FGF13: variants seen among roughly 807,000 people sequenced by gnomAD.
FGF13 encodes the protein fibroblast growth factor homologous factor 2.
Under a neutral mutation model 19.5 loss-of-function variants are expected in FGF13, and 2 were observed. That is an observed-to-expected ratio of 0.10 (90% CI 0.04 to 0.32). FGF13 has a LOEUF of 0.32. FGF13 is among the 10% of genes least tolerant of loss of function. The pLI, the probability that FGF13 is intolerant of heterozygous loss-of-function variation, is 1.00. For missense variants in FGF13, 113 were observed against 192.7 expected, an observed-to-expected ratio of 0.59 and a Z score of 2.45; for synonymous variants, 72 against 76.9, an observed-to-expected ratio of 0.94 and a Z score of 0.33.
chrX:139,071,863 A>G (rs1603182016), intron 1 of FGF13, among the ~76,000 whole-genome samples: 1 of 108,221 alleles, frequency 9.2e-6, no homozygotes, highest in East Asian at 2.9e-4. Flanking sequence ...TAAAATTACA[A>G]AAATTAGCTG....
chrX:138,646,458 G>C (rs2089307350), intron 3 of FGF13, among the ~76,000 whole-genome samples: 1 of 111,815 alleles, frequency 8.9e-6, no homozygotes, highest in African/African-American at 3.3e-5. Context: ...CTGAGTTCCA[G>C]AGGGTAGGAA....
intron 1 of FGF13, among the ~76,000 whole-genome samples, chrX:138,961,938 G>C (rs1162971072): frequency 9.0e-6 from 1 of 111,563 alleles, no homozygotes; most frequent in African/African-American, 3.3e-5. Context: ...GCATGGGCAA[G>C]GACTTCATGT....
At chrX:138,960,278 T>A (rs1196482852) in intron 1 of FGF13, among the ~76,000 whole-genome samples, 4 of 111,857 alleles carry the variant, frequency 3.6e-5, no homozygotes, top group African/African-American at 1.3e-4. Context: ...CCATCACTTA[T>A]GAAACTTAGT....
At chrX:138,853,925 T>C (rs996657413), downstream of FGF13, among the ~76,000 whole-genome samples, 7 of 111,581 alleles carry the variant, frequency 6.3e-5, no homozygotes, top group Non-Finnish European at 1.3e-4. Flanking sequence ...GAGTGGCATT[T>C]AGGAAATGAC....
intron 3 of FGF13, among the ~76,000 whole-genome samples, chrX:138,700,632 G>C (rs2284160): frequency 0.096 from 10,633 of 110,872 alleles, 407 homozygotes; most frequent in Middle Eastern, 0.16. Context: ...GGAAGAATTG[G>C]AAAATTAATT....
intron 1 of FGF13, among the ~76,000 whole-genome samples, chrX:138,915,604 T>G (rs1222521153): frequency 1.8e-5 from 2 of 112,042 alleles, no homozygotes; most frequent in African/African-American, 6.5e-5. Context: ...ATTTGTGTCT[T>G]ATCAACATCT....
In FGF13 at chrX:138,802,279, C is replaced by T. The variant is rs564781956; in HGVS notation, c.217+55233G>A. 9.8e-5 allele frequency among the ~76,000 whole-genome samples: 11 copies of T among 112,021 alleles called. No individual in the cohort carries two copies. In the South Asian group the frequency reaches 4.2e-3, roughly 43 times the overall value. ...TCTCCTGGCCTGTGGATTGCAAAAA[C>T]CATGGGAAAAGCATAGTATGTCAGC... On this transcript the variant is annotated intron_variant, in intron 3 of 6. Coordinates refer to the FGF13 transcript ENST00000436198.
At chrX:138,939,522 G>A (rs754887487) in intron 1 of FGF13, among the ~76,000 whole-genome samples, 1 of 111,381 alleles carries the variant, frequency 9.0e-6, no homozygotes, top group South Asian at 3.8e-4. Context: ...AGTCATCCAG[G>A]TAATAAGCAA....
At position 138,617,491 on chromosome X, in the gene FGF13, T is replaced by G. The variant is rs1052881640; in HGVS notation, c.*15359A>C. Reference sequence around the variant, plus strand: ...AGGTGTGGACCAAGCCAAATTAAATTGTAACTATAAGTTTTTTAAAATTTG... The same window carrying G: ...AGGTGTGGACCAAGCCAAATTAAATGGTAACTATAAGTTTTTTAAAATTTG... On this transcript the variant is annotated 3_prime_UTR_variant, in exon 5 of 5. Coordinates refer to ENST00000315930, the MANE Select transcript of FGF13 (RefSeq NM_004114.5). The G allele has an allele frequency of 8.9e-6, 1 of 112,091 alleles. No individual in the cohort carries two copies. The highest frequency in any genetic ancestry group is 9.5e-5 in the Admixed American group (1 of 10,568). 9.2% of individuals were successfully genotyped at this position (112,091 alleles called of 1,213,427 possible). A position where few individuals can be genotyped will look rare whatever the true frequency, so the allele number is the denominator to read the frequency against.
chrX:138,787,890 AC>A (rs1359690569), intron 3 of FGF13, among the ~76,000 whole-genome samples: 5 of 111,377 alleles, frequency 4.5e-5, no homozygotes, highest in Non-Finnish European at 9.4e-5. Context: ...ACCTCCTAAT[AC>A]CATCACATTG....
chrX:138,758,983 A>T (rs1489300826), intron 3 of FGF13, among the ~76,000 whole-genome samples: 1 of 112,314 alleles, frequency 8.9e-6, no homozygotes, highest in Non-Finnish European at 1.9e-5. Flanking sequence ...AACAGCAGGC[A>T]GGTCCTTTCC....
At chrX:139,081,729 T>TCTCTCTCTCTCTGTCTCC (rs2083372351) in intron 1 of FGF13, among the ~76,000 whole-genome samples, 1 of 110,793 alleles carries the variant, frequency 9.0e-6, no homozygotes, top group African/African-American at 3.3e-5. Context: ...AATTCCTCTC[T>TCTCTCTCTCTCTGTCTCC]CTCTCTCTCT....
At chrX:138,897,585 C>A (rs1423000081) in intron 1 of FGF13, among the ~76,000 whole-genome samples, 1 of 112,087 alleles carries the variant, frequency 8.9e-6, no homozygotes, top group Non-Finnish European at 1.9e-5. Flanking sequence ...GCAGATGCTA[C>A]ACACTTGTCA....
chrX:138,838,475 T>C (rs926774521), intron 3 of FGF13, among the ~76,000 whole-genome samples: 1 of 111,858 alleles, frequency 8.9e-6, no homozygotes, highest in Admixed American at 9.5e-5. Flanking sequence ...CAAAGATCCA[T>C]GGGAGAATTG....
intron 1 of FGF13, among the ~76,000 whole-genome samples, chrX:138,979,810 CTA>C (rs757560659): frequency 8.2e-4 from 91 of 111,471 alleles, no homozygotes; most frequent in Non-Finnish European, 1.2e-3. Context: ...CCTTAGCTAC[CTA>C]TCTTTATGTT....
At chrX:139,091,229 T>C (rs1212759428) in intron 1 of FGF13, among the ~76,000 whole-genome samples, 2 of 110,913 alleles carry the variant, frequency 1.8e-5, no homozygotes, top group African/African-American at 3.3e-5. Context: ...AAAGCAAACT[T>C]GGCAAACCCC....
At position 138,620,366 on chromosome X, in the gene FGF13, G is replaced by A. The variant is rs2089005065; in HGVS notation, c.*12484C>T. 3 of 111,108 alleles carry A rather than the reference G, an allele frequency of 2.7e-5. No individual in the cohort carries two copies. The highest frequency in any genetic ancestry group is 1.9e-5 in the Non-Finnish European group (1 of 52,959). 9.2% of individuals were successfully genotyped at this position (111,108 alleles called of 1,213,427 possible). On this transcript the variant is annotated 3_prime_UTR_variant, in exon 5 of 5. Coordinates refer to ENST00000315930, the MANE Select transcript of FGF13 (RefSeq NM_004114.5). The stretch of plus-strand genomic sequence containing the variant: ...CTATTAGGAAAAATAGCTAATGCAT[G>A]CTTGGCTGAACACCTCAGTGATGGG...
At chrX:138,757,972 T>C (rs2090441901) in intron 3 of FGF13, among the ~76,000 whole-genome samples, 1 of 112,136 alleles carries the variant, frequency 8.9e-6, no homozygotes, top group African/African-American at 3.2e-5. Flanking sequence ...CTCAGGTCAA[T>C]TGTACTTCAG....
At chrX:138,991,539 A>C (rs2092015658) in intron 1 of FGF13, among the ~76,000 whole-genome samples, 1 of 111,853 alleles carries the variant, frequency 8.9e-6, no homozygotes. Flanking sequence ...TTCAGCTCTG[A>C]GTTATATGAC....
Sources: allele counts gnomAD v4.1 joint callset (sites outside exome capture counted in the v4.1 genomes callset), GRCh38; gene constraint gnomAD v4.1.1; transcripts MANE v1.5; gene names NCBI Gene and HGNC (gene_info 2026-07-23, HGNC 2026-07-21).